The following GSTA1 variants were observed in gnomAD, a reference collection of about 807,000 sequenced individuals.
GSTA1 encodes the protein glutathione S-transferase A1.
GSTA1 carries 23 observed loss-of-function variants against 21.5 expected under a neutral mutation model. The observed-to-expected ratio is 1.07, with a 90% CI of 0.77 to 1.52. GSTA1 has a LOEUF of 1.52. Ranked by LOEUF, GSTA1 falls within the 40% of genes most tolerant of loss-of-function variation. The pLI is 0.00. For synonymous variants in GSTA1, 125 were observed against 90.0 expected (o/e 1.39, Z -2.20); for missense variants, 301 against 264.2 (o/e 1.14, Z -0.96).
chr6:52,801,613 G>A (rs189851078), intron 1 of GSTA1, among the ~76,000 whole-genome samples: 7 of 152,310 alleles, frequency 4.6e-5, no homozygotes, highest in African/African-American at 1.7e-4. Flanking sequence ...CTGATAACTA[G>A]CATATCACTT....
intron 1 of GSTA1, among the ~76,000 whole-genome samples, chr6:52,803,105 G>T (rs996369098): frequency 6.6e-6 from 1 of 152,030 alleles, no homozygotes; most frequent in Non-Finnish European, 1.5e-5. Flanking sequence ...GGGAAAGGGG[G>T]TTACAAATCA....
Position 52,796,215 on chromosome 6 carries a change from T to C in GSTA1, c.239A>G (p.Asn80Ser), listed in dbSNP as rs1763576759. The change falls in exon 4 of 7, where the codon AAC becomes AGC. Residue 80 changes from asparagine (N) to serine (S), a missense_variant. Transcript: ENST00000334575. ...CTCCTTTATGTCTTTCCCATAGAGGTTGTATTTGCTGGCAATGTAGTTGAG... is the reference window on the plus strand; with the variant it reads ...CTCCTTTATGTCTTTCCCATAGAGGCTGTATTTGCTGGCAATGTAGTTGAG... ...AILNYIASKY[N>S]LYGKDIKERA... 1.9e-6 allele frequency: 3 copies of C among 1,613,814 alleles called. No homozygotes were observed. Among genetic ancestry groups the C allele is most frequent in the African/African-American group, 1.3e-5 (1 of 74,946 alleles).
In GSTA1 at chr6:52,799,190, A is replaced by C; in HGVS notation, c.78T>G (p.Ala26=). Residue 26 remains alanine (A), a synonymous_variant, in exon 2 of 7, where the codon GCT becomes GCG. Transcript: ENST00000334575. ...CTAACTCAGAACCTACCTCTACTCC[A>C]GCTGCAGCCAGGAGCCACCGGGTGG... is the stretch of plus-strand genomic sequence containing the variant. ...MESTRWLLAA[A]GVEFEEKFIK... 6.2e-7 allele frequency: 1 copy of C among 1,613,834 alleles called. No homozygotes were observed. Among genetic ancestry groups the C allele is most frequent in the South Asian group, 1.1e-5 (1 of 91,062 alleles).
chr6:52,793,011 C>A (rs1475434195), intron 5 of GSTA1, 24 bp from the exon 6 acceptor site: 2 of 1,613,802 alleles, frequency 1.2e-6, no homozygotes, highest in Non-Finnish European at 1.7e-6. Context: ...GGAATCAGAT[C>A]AGGAACACAT....
At chr6:52,798,867 A>G (rs186069609) in intron 2 of GSTA1, among the ~76,000 whole-genome samples, 9 of 152,318 alleles carry the variant, frequency 5.9e-5, no homozygotes, top group Admixed American at 5.9e-4. Flanking sequence ...TCATGTCTTC[A>G]TATATTCAAT....
intron 2 of GSTA1, 37 bp downstream of exon 2, chr6:52,799,144 T>G (rs764733669): frequency 1.5e-5 from 24 of 1,588,784 alleles, no homozygotes; most frequent in Middle Eastern, 3.3e-4. Context: ...TAACACAATT[T>G]TAAATCCAAC....
In GSTA1 at chr6:52,796,092, A is replaced by G. The variant is rs1178179992; in HGVS notation, c.272+90T>C. On this transcript the variant is annotated intron_variant, in intron 4 of 6. Coordinates refer to ENST00000334575, the MANE Select transcript of GSTA1 (RefSeq NM_145740.5). Reference sequence around the variant, plus strand: ...CCCAAGGCCCAGCCTGCTGCTGGTCATGATGCCCTGCCATCGTCCCACCCA... The same window carrying G: ...CCCAAGGCCCAGCCTGCTGCTGGTCGTGATGCCCTGCCATCGTCCCACCCA... The G allele has an allele frequency of 4.4e-6, 7 of 1,592,766 alleles. No homozygotes were observed. The East Asian group carries it at 1.1e-4, about 25-fold the overall frequency.
At chr6:52,802,909 T>A (rs138860309) in intron 1 of GSTA1, among the ~76,000 whole-genome samples, 6 of 152,086 alleles carry the variant, frequency 3.9e-5, no homozygotes, top group Admixed American at 3.9e-4. Flanking sequence ...CACTAATCAG[T>A]CCACCTGGAT....
intron 2 of GSTA1, among the ~76,000 whole-genome samples, chr6:52,798,916 A>T (rs1272623164): frequency 2.0e-5 from 3 of 152,238 alleles, no homozygotes; most frequent in African/African-American, 7.2e-5. Flanking sequence ...GCTATAAATT[A>T]TTCTTTACAG....
chr6:52,797,986 T>A (rs1376600689), intron 2 of GSTA1, among the ~76,000 whole-genome samples: 5 of 152,190 alleles, frequency 3.3e-5, no homozygotes, highest in Non-Finnish European at 7.3e-5. Flanking sequence ...TGTCTCCAAG[T>A]GAGATCAGAC....
At chr6:52,792,128 G>A in intron 6 of GSTA1, 148 bp from the exon 7 acceptor site, 1 of 1,169,916 alleles carries the variant, frequency 8.5e-7, no homozygotes, top group Non-Finnish European at 1.2e-6. Context: ...CACCCAGTGA[G>A]AAATGAAGAT....
intron 1 of GSTA1, among the ~76,000 whole-genome samples, chr6:52,802,294 C>T (rs1467665735): frequency 6.6e-6 from 1 of 151,994 alleles, no homozygotes; most frequent in African/African-American, 2.4e-5. Flanking sequence ...TGAGGTGGTC[C>T]CAATGACACT....
At position 52,794,184 on chromosome 6, in the gene GSTA1, C is replaced by T. The variant is rs1763521985; in HGVS notation, c.355G>A (p.Ala119Thr). 3 of 1,614,084 alleles carry T rather than the reference C, an allele frequency of 1.9e-6. No homozygotes were observed. The highest frequency in any genetic ancestry group is 2.5e-6 in the Non-Finnish European group (3 of 1,179,944). Residue 119 changes from alanine to threonine, a missense_variant, in exon 5 of 7, where the codon GCC becomes ACC. Coordinates refer to ENST00000334575, the MANE Select transcript of GSTA1 (RefSeq NM_145740.5). ...TTCTCTTTGATCAAGGCAAGCTTGG[C>T]ATCTTTTTCCTCAGGTGGACATACG... Reference protein sequence around the residue: ...LPVCPPEEKDAKLALIKEKIK... With the variant: ...LPVCPPEEKDTKLALIKEKIK...
chr6:52,800,347 T>C (rs1763685780), intron 1 of GSTA1, among the ~76,000 whole-genome samples: 1 of 152,214 alleles, frequency 6.6e-6, no homozygotes, highest in Non-Finnish European at 1.5e-5. Context: ...TTTTCTATGT[T>C]AGTGTTTCTG....
At chr6:52,800,716 G>A (rs1561915422) in intron 1 of GSTA1, among the ~76,000 whole-genome samples, 1 of 152,132 alleles carries the variant, frequency 6.6e-6, no homozygotes, top group Non-Finnish European at 1.5e-5. Flanking sequence ...GAAGGGCACA[G>A]GACTCATTGA....
rs1403355011 is a variant in GSTA1 at position 52,799,422 on chromosome 6, G to A, written c.-30-125C>T. 4.8e-6 allele frequency: 3 copies of A among 629,592 alleles called. No individual in the cohort carries two copies. The African/African-American group carries it at 5.7e-5, about 12-fold the overall frequency. The allele number at this position is 629,592 out of a possible 1,614,324, so 39.0% of individuals were successfully genotyped here. A position where few individuals can be genotyped will look rare whatever the true frequency, so the allele number is the denominator to read the frequency against. ...CTTCCTTCTTCATGACTGTGTTGGAGGAGTTCCTGGAATGTTTTCTTGGCT... is the reference window on the plus strand; with the variant it reads ...CTTCCTTCTTCATGACTGTGTTGGAAGAGTTCCTGGAATGTTTTCTTGGCT... On this transcript the variant is annotated intron_variant, in intron 1 of 6. Coordinates refer to ENST00000334575, the MANE Select transcript of GSTA1 (RefSeq NM_145740.5).
At position 52,794,200 on chromosome 6, in the gene GSTA1, T is replaced by C; in HGVS notation, c.339A>G (p.Pro113=). The C allele has an allele frequency of 6.2e-7, 1 of 1,614,020 alleles. No homozygotes were observed. Among genetic ancestry groups the C allele is most frequent in the Non-Finnish European group, 8.5e-7 (1 of 1,179,876 alleles). The part of the protein sequence containing the change: ...GEMILLLPVC[P]PEEKDAKLAL... ...CAAGCTTGGCATCTTTTTCCTCAGG[T>C]GGACATACGGGCAGAAGGAGGATCA... Residue 113 remains proline (P), a synonymous_variant, in exon 5 of 7, where the codon CCA becomes CCG. Transcript: ENST00000334575.
chr6:52,799,333 G>T (rs748883965), intron 1 of GSTA1, 36 bp from the exon 2 acceptor site: 35 of 1,371,330 alleles, frequency 2.6e-5, no homozygotes, highest in Non-Finnish European at 3.4e-5. Flanking sequence ...TAATTGAAAC[G>T]ATAGAATCAA....
At position 52,791,860 on chromosome 6, in the gene GSTA1, A is replaced by G; in HGVS notation, c.667T>C (p.Ter223GlnextTer1). Reference protein sequence around the residue: ...LEEARKIFRF* With the variant: ...LEEARKIFRFQ Reference sequence around the variant, plus strand: ...TCTTGGCCTCCATGACTGCGTTATTAAAACCTGAAAATCTTCCTTGCTTCT... The same window carrying G: ...TCTTGGCCTCCATGACTGCGTTATTGAAACCTGAAAATCTTCCTTGCTTCT... Residue 223 changes from the stop codon to glutamine, a stop_lost, in exon 7 of 7, where the codon TAA becomes CAA. Coordinates refer to ENST00000334575, the MANE Select transcript of GSTA1 (RefSeq NM_145740.5). 1 of 1,614,028 alleles carries G rather than the reference A, an allele frequency of 6.2e-7. No homozygotes were observed. The highest frequency in any genetic ancestry group is 8.5e-7 in the Non-Finnish European group (1 of 1,179,898).
Sources: allele counts gnomAD v4.1 joint callset (sites outside exome capture counted in the v4.1 genomes callset), GRCh38; gene constraint gnomAD v4.1.1; transcripts MANE v1.5; gene names NCBI Gene and HGNC (gene_info 2026-07-23, HGNC 2026-07-21).